Variants in CACNA2D3 observed in about 807,000 individuals in gnomAD.
CACNA2D3 encodes the protein voltage-dependent calcium channel subunit alpha-2/delta-3.
CACNA2D3 carries 60 observed loss-of-function variants against 160.6 expected under a neutral mutation model. That is an observed-to-expected ratio of 0.37 (90% CI 0.30 to 0.46). The LOEUF (loss-of-function observed/expected upper bound fraction) is 0.46, where lower values mean the gene tolerates loss of function less well. CACNA2D3 is among the 20% of genes least tolerant of loss of function. The pLI, the probability that CACNA2D3 is intolerant of heterozygous loss-of-function variation, is 1.00. For synonymous variants in CACNA2D3, 558 were observed against 492.9 expected, an observed-to-expected ratio of 1.13 and a Z score of -1.75; for missense variants, 1,205 against 1,365.0, an observed-to-expected ratio of 0.88 and a Z score of 1.85.
intron 4 of CACNA2D3, among the ~76,000 whole-genome samples, chr3:54,476,551 C>A (rs1700834622): frequency 6.6e-6 from 1 of 152,066 alleles, no homozygotes; most frequent in South Asian, 2.1e-4. Context: ...CTTTTCTCCC[C>A]CTCCATGCCA....
intron 6 of CACNA2D3, among the ~76,000 whole-genome samples, chr3:54,569,049 CA>C (rs1027003738): frequency 6.6e-6 from 1 of 152,194 alleles, no homozygotes; most frequent in Non-Finnish European, 1.5e-5. Context: ...TGGTTGAAAA[CA>C]GTGATTTTCT....
At chr3:54,362,256 T>G (rs115725468) in intron 3 of CACNA2D3, among the ~76,000 whole-genome samples, 133 of 152,320 alleles carry the variant, frequency 8.7e-4, no homozygotes, top group African/African-American at 3.1e-3. Flanking sequence ...CAGGGTCTTC[T>G]TCCAAGCTCC....
chr3:54,300,311 A>G (rs62254148), intron 2 of CACNA2D3, among the ~76,000 whole-genome samples: 20,852 of 152,272 alleles, frequency 0.14, 1,497 homozygotes, highest in East Asian at 0.23. Flanking sequence ...TCACCAGGTG[A>G]TGGACTTGAT....
intron 30 of CACNA2D3, 106 bp downstream of exon 30, chr3:54,984,776 G>A (rs1702580180): frequency 1.4e-6 from 1 of 707,888 alleles, no homozygotes; most frequent in African/African-American, 1.8e-5. Flanking sequence ...TCTTTATTTA[G>A]GAGGTAATAG....
At chr3:54,894,142 A>G (rs1467011481) in intron 25 of CACNA2D3, among the ~76,000 whole-genome samples, 2 of 152,114 alleles carry the variant, frequency 1.3e-5, no homozygotes. Context: ...CTGACACACC[A>G]CTGCAATAGC....
intron 2 of CACNA2D3, among the ~76,000 whole-genome samples, chr3:54,290,456 G>A (rs531623715): frequency 6.6e-6 from 1 of 152,066 alleles, no homozygotes; most frequent in African/African-American, 2.4e-5. Context: ...TTTACACTGT[G>A]TGTGGGACTG....
In CACNA2D3 at chr3:54,681,382, C is replaced by CAAAAAAAAA. The variant is rs565556596; in HGVS notation, c.1167+39159_1167+39167dup. On this transcript the variant is annotated intron_variant, in intron 11 of 37. Transcript: ENST00000474759. ...TGAAACCCCATCTCTACTAAAAATA[C>CAAAAAAAAA]AAAAAAAAAAAAAAAAAAAAAAAAA... Among the ~76,000 whole-genome samples, 13 of 62,096 alleles carry CAAAAAAAAA rather than the reference C, an allele frequency of 2.1e-4. 2 individuals carry two copies. The highest frequency in any genetic ancestry group is 2.8e-4 in the Non-Finnish European group (10 of 36,118). The allele number at this position is 62,096 out of a possible 152,430, so 40.7% of individuals were successfully genotyped here.
chr3:54,667,009 G>A lies in CACNA2D3; in HGVS notation c.1167+24768G>A, dbSNP rs75214211. Among the ~76,000 whole-genome samples, 104 of 152,300 alleles carry A rather than the reference G, an allele frequency of 6.8e-4. No individual in the cohort carries two copies. In the East Asian group the frequency reaches 0.016, roughly 24 times the overall value. The stretch of plus-strand genomic sequence containing the variant: ...GGTCGATTTTCCTCCTGTCAGAAGA[G>A]CCATTCATGAACTCTGTTGACCAAA... On this transcript the variant is annotated intron_variant, in intron 11 of 37. Transcript: ENST00000474759.
At chr3:54,422,748 C>A (rs1037015909) in intron 4 of CACNA2D3, among the ~76,000 whole-genome samples, 1 of 152,134 alleles carries the variant, frequency 6.6e-6, no homozygotes, top group Non-Finnish European at 1.5e-5. Context: ...CACTGCAGAT[C>A]CATTTTGCAG....
chr3:54,376,256 C>G (rs1699010400), intron 3 of CACNA2D3, among the ~76,000 whole-genome samples: 1 of 152,178 alleles, frequency 6.6e-6, no homozygotes, highest in African/African-American at 2.4e-5. Flanking sequence ...GGCTCCCACC[C>G]TGGAGCCTTT....
intron 11 of CACNA2D3, among the ~76,000 whole-genome samples, chr3:54,715,388 T>A (rs2106972332): frequency 6.6e-6 from 1 of 152,312 alleles, no homozygotes; most frequent in African/African-American, 2.4e-5. Flanking sequence ...GAACCTCCCA[T>A]GTTCAGCTGT....
chr3:54,152,033 C>T (rs1171107030), intron 2 of CACNA2D3, among the ~76,000 whole-genome samples: 1 of 152,072 alleles, frequency 6.6e-6, no homozygotes, highest in African/African-American at 2.4e-5. Flanking sequence ...TGATTAGAAA[C>T]ATGTTTATGC....
chr3:54,470,939 A>T (rs997740022), intron 4 of CACNA2D3, among the ~76,000 whole-genome samples: 1 of 152,172 alleles, frequency 6.6e-6, no homozygotes, highest in African/African-American at 2.4e-5. Flanking sequence ...CTACAAAGAG[A>T]CTTAGACTCC....
At chr3:54,455,430 ATTAT>A (rs1297238769) in intron 4 of CACNA2D3, among the ~76,000 whole-genome samples, 1 of 151,982 alleles carries the variant, frequency 6.6e-6, no homozygotes, top group African/African-American at 2.4e-5. Flanking sequence ...TTTTAATCAG[ATTAT>A]TTGTTTTTCT....
At chr3:54,945,368 GC>G (rs1264328255) in intron 27 of CACNA2D3, among the ~76,000 whole-genome samples, 1 of 152,146 alleles carries the variant, frequency 6.6e-6, no homozygotes, top group African/African-American at 2.4e-5. Context: ...CTCGAAAGTG[GC>G]CAAGTAGGGC....
chr3:54,751,157 A>G (rs1701850343), intron 11 of CACNA2D3, among the ~76,000 whole-genome samples: 1 of 152,086 alleles, frequency 6.6e-6, no homozygotes, highest in South Asian at 2.1e-4. Context: ...CCTCACTCCC[A>G]AATGTGACTC....
At chr3:54,158,005 C>A (rs1297674109) in intron 2 of CACNA2D3, among the ~76,000 whole-genome samples, 3 of 152,176 alleles carry the variant, frequency 2.0e-5, no homozygotes, top group Admixed American at 6.5e-5. Context: ...GAAATTGCCA[C>A]CTAAGGTGGG....
intron 11 of CACNA2D3, among the ~76,000 whole-genome samples, chr3:54,644,297 T>G (rs959329753): frequency 6.6e-6 from 1 of 152,118 alleles, no homozygotes; most frequent in African/African-American, 2.4e-5. Flanking sequence ...TATCAAGTAT[T>G]ATCAAGCAGA....
intron 5 of CACNA2D3, among the ~76,000 whole-genome samples, chr3:54,548,601 C>A (rs946687471): frequency 2.0e-5 from 3 of 152,172 alleles, no homozygotes; most frequent in Non-Finnish European, 2.9e-5. Flanking sequence ...TCAGTAGACA[C>A]CACCTTCTTC....
Sources: allele counts gnomAD v4.1 joint callset (sites outside exome capture counted in the v4.1 genomes callset), GRCh38; gene constraint gnomAD v4.1.1; transcripts MANE v1.5; gene names NCBI Gene and HGNC (gene_info 2026-07-23, HGNC 2026-07-21).